Variants in LAMA5 observed in about 807,000 individuals in gnomAD.
The protein encoded by LAMA5 is laminin subunit alpha 5.
In LAMA5, 260 loss-of-function variants were observed where a neutral mutation model predicts 433.4. The observed-to-expected ratio is 0.60, with a 90% CI of 0.54 to 0.66. The LOEUF is 0.66. LAMA5 is among the 30% of genes least tolerant of loss of function. The probability of loss-of-function intolerance (pLI) is 0.00; values close to 1 mark genes in which losing one functional copy is unlikely to be tolerated. For missense variants in LAMA5, 5,378 were observed against 5,258.5 expected, an observed-to-expected ratio of 1.02 and a Z score of -0.70; for synonymous variants, 2,620 against 2,226.6, an observed-to-expected ratio of 1.18 and a Z score of -4.97.
In LAMA5 at chr20:62,329,911, C is replaced by A; in HGVS notation, c.3985G>T (p.Ala1329Ser). The A allele has an allele frequency of 6.2e-7, 1 of 1,611,058 alleles. No individual in the cohort carries two copies. Among genetic ancestry groups the A allele is most frequent in the Non-Finnish European group, 8.5e-7 (1 of 1,179,628 alleles). ...INAGRVWQGH[A>S]NASFCPHGYG... ...CCATGTGGACAGAAGCTGGCGTTGG[C>A]GTGGCCTGGGCGGGGGAGAAAGGCA... The change falls in exon 32 of 80, where the codon GCC becomes TCC. Residue 1329 changes from alanine to serine, a missense_variant. Transcript: ENST00000252999.
chr20:62,319,424 G>C (rs1384141466), intron 51 of LAMA5, among the ~76,000 whole-genome samples: 2 of 152,116 alleles, frequency 1.3e-5, no homozygotes, highest in Non-Finnish European at 2.9e-5. Flanking sequence ...CGGGATATCT[G>C]TGAGCGCGAA....
Position 62,351,772 on chromosome 20 carries a change from G to A in LAMA5, c.888C>T (p.Ile296=), listed in dbSNP as rs62204553. The A allele has an allele frequency of 0.041, 65,353 of 1,610,386 alleles. 2,094 individuals carry two copies. Among genetic ancestry groups the A allele is most frequent in the African/African-American group, 0.17 (12,664 of 74,988 alleles). Residue 296 remains isoleucine (I), a synonymous_variant, in exon 6 of 80, where the codon ATC becomes ATT. Coordinates refer to ENST00000252999, the MANE Select transcript of LAMA5 (RefSeq NM_005560.6). The part of the protein sequence containing the change: ...RYYYSIKDIS[I]GGRCVCHGHA... ...GGCCGTGGCAGACACAGCGGCCTCC[G>A]ATGCTGATATCCTTGATGCTGTAAT...
At chr20:62,360,696 G>A (rs944369992) in intron 2 of LAMA5, among the ~76,000 whole-genome samples, 8 of 151,586 alleles carry the variant, frequency 5.3e-5, no homozygotes, top group Middle Eastern at 3.2e-3. Flanking sequence ...CTTCCCAGGT[G>A]GAGTGGAAAG....
At chr20:62,364,179 A>G (rs544798235) in intron 1 of LAMA5, among the ~76,000 whole-genome samples, 46 of 152,308 alleles carry the variant, frequency 3.0e-4, no homozygotes, top group Admixed American at 5.2e-4. Flanking sequence ...CGCAGGCCGC[A>G]CTGCAAGCTT....
At chr20:62,309,950 G>T in intron 78 of LAMA5, 38 bp downstream of exon 78, 1 of 1,605,920 alleles carries the variant, frequency 6.2e-7, no homozygotes. Context: ...CAGAAGGGTG[G>T]GGGTGGCAGA....
In LAMA5 at chr20:62,352,370, A is replaced by G; in HGVS notation, c.569-10T>C. On this transcript the variant is annotated splice_polypyrimidine_tract_variant and intron_variant, in intron 3 of 79. Coordinates refer to ENST00000252999, the MANE Select transcript of LAMA5 (RefSeq NM_005560.6). ...CAGTCCCTCTTGGAGGCTGCGGGGA[A>G]TGGCGGGAGGGGAGGGCGCTGGATC... 6.3e-7 allele frequency: 1 copy of G among 1,592,166 alleles called. No homozygotes were observed. The highest frequency in any genetic ancestry group is 8.5e-7 in the Non-Finnish European group (1 of 1,174,592).
chr20:62,314,807 C>A lies in LAMA5; in HGVS notation c.8188G>T (p.Ala2730Ser). 2 of 1,612,894 alleles carry A rather than the reference C, an allele frequency of 1.2e-6. No individual in the cohort carries two copies. Among genetic ancestry groups the A allele is most frequent in the Admixed American group, 1.7e-5 (1 of 60,004 alleles). The change falls in exon 60 of 80, where the codon GCC becomes TCC. Residue 2730 changes from alanine (A) to serine (S), a missense_variant. Coordinates refer to ENST00000252999, the MANE Select transcript of LAMA5 (RefSeq NM_005560.6). ...CTGGGACTCTCACCCACCTTACTGG[C>A]AGCCCCCCGGGCCTGGGCAATGAGC... ...RELIAQARGA[A>S]SKVKVPMKFN...
intron 32 of LAMA5, 74 bp downstream of exon 32, chr20:62,329,703 C>T: frequency 6.4e-7 from 1 of 1,560,872 alleles, no homozygotes; most frequent in Non-Finnish European, 8.7e-7. Context: ...ACAGACCCAG[C>T]CCAAGTGTAC....
chr20:62,329,168 CTGA>C lies in LAMA5; in HGVS notation c.4202_4204del (p.Ile1401del). On this transcript the variant is annotated inframe_deletion, in exon 33 of 80. Transcript: ENST00000252999. ...GTGGTAGCCCTGGGCTGCGCAGTGG[CTGA>C]TGAAGTCATAGGATTTATCCAGGGG... 5.0e-6 allele frequency: 8 copies of C among 1,612,930 alleles called. No individual in the cohort carries two copies. Among genetic ancestry groups the C allele is most frequent in the Non-Finnish European group, 6.8e-6 (8 of 1,179,940 alleles).
chr20:62,341,884 A>C (rs920820462), intron 11 of LAMA5, among the ~76,000 whole-genome samples: 6 of 152,176 alleles, frequency 3.9e-5, no homozygotes, highest in African/African-American at 1.4e-4. Flanking sequence ...ATAGACGAGA[A>C]TAGAAATGAA....
At position 62,318,584 on chromosome 20, in the gene LAMA5, G is replaced by A. The variant is rs763036791; in HGVS notation, c.7109C>T (p.Thr2370Ile). ...WEENQALATQTRDRLAQHEAG... is the reference protein window; with the variant it reads ...WEENQALATQIRDRLAQHEAG... ...CTCGTGCTGGGCCAGCCGGTCGCGG[G>A]TTTGTGTGGCCAGTGCCTGGTTCTC... The change falls in exon 53 of 80, where the codon ACC (threonine) becomes ATC (isoleucine). Residue 2370 changes from threonine to isoleucine, a missense_variant. Thr to Ile is a moderately conservative substitution (Grantham distance 89). Transcript: ENST00000252999. The A allele has an allele frequency of 5.0e-6, 8 of 1,610,692 alleles. No individual in the cohort carries two copies. The highest frequency in any genetic ancestry group is 3.3e-5 in the Admixed American group (2 of 59,892).
At chr20:62,311,371 G>A in intron 72 of LAMA5, 30 bp downstream of exon 72, 1 of 1,529,820 alleles carries the variant, frequency 6.5e-7, no homozygotes, top group Non-Finnish European at 8.8e-7. Context: ...AGCCACCCCA[G>A]CTCTGCCTGC....
At position 62,310,069 on chromosome 20, in the gene LAMA5, C is replaced by T. The variant is rs764045430; in HGVS notation, c.10747G>A (p.Ala3583Thr). The stretch of plus-strand genomic sequence containing the variant: ...GAGAACTCCCCTGCTCCGTCATCCG[C>T]CCGCAGCAGGACCTGGCGGGGTAGG... ...QVTEKQVLLR[A>T]DDGAGEFSTS... is the part of the protein sequence containing the mutation. Residue 3583 changes from alanine to threonine, a missense_variant, in exon 78 of 80, where the codon GCG becomes ACG. By Grantham distance (58) the Ala-to-Thr change is moderately conservative. Coordinates refer to ENST00000252999, the MANE Select transcript of LAMA5 (RefSeq NM_005560.6). 3.1e-6 allele frequency: 5 copies of T among 1,611,028 alleles called. No homozygotes were observed. Among genetic ancestry groups the T allele is most frequent in the Admixed American group, 1.7e-5 (1 of 59,974 alleles).
Position 62,327,312 on chromosome 20 carries a change from A to AG in LAMA5, c.5032dup (p.Leu1678ProfsTer6). On this transcript the variant is annotated frameshift_variant, in exon 38 of 80. Coordinates refer to ENST00000252999, the MANE Select transcript of LAMA5 (RefSeq NM_005560.6). LOFTEE classifies it high-confidence loss of function. ...GGGCACAGCCTCAGGCACGTGCCGC[A>AG]GGTCTGCACGGAGCATCTCCGTCCC... 1 of 1,595,886 alleles carries AG rather than the reference A, an allele frequency of 6.3e-7. No individual in the cohort carries two copies.
chr20:62,332,465 G>A lies in LAMA5; in HGVS notation c.3459C>T (p.Gly1153=). The change falls in exon 28 of 80, where the codon GGC becomes GGT. Residue 1153 remains glycine (G), a synonymous_variant. Coordinates refer to ENST00000252999, the MANE Select transcript of LAMA5 (RefSeq NM_005560.6). Reference sequence around the variant, plus strand: ...GGTGGTCCTGGGTATCCCGGGCAGTGCCCCGGCACAGGGTGCTGTGGGGGG... The same window carrying A: ...GGTGGTCCTGGGTATCCCGGGCAGTACCCCGGCACAGGGTGCTGTGGGGGG... ...HPCLYSTLCR[G]TARDTQDHLA... 3 of 1,612,468 alleles carry A rather than the reference G, an allele frequency of 1.9e-6. No individual in the cohort carries two copies. The highest frequency in any genetic ancestry group is 2.5e-6 in the Non-Finnish European group (3 of 1,179,814).
In LAMA5 at chr20:62,318,606, TCTC is replaced by T; in HGVS notation, c.7084_7086del (p.Glu2362del). ...CGGGTTTGTGTGGCCAGTGCCTGGT[TCTC>T]CTCCCAGAGGCTGCTCAGCTGCTCC... On this transcript the variant is annotated inframe_deletion, in exon 53 of 80. Coordinates refer to ENST00000252999, the MANE Select transcript of LAMA5 (RefSeq NM_005560.6). 1 of 1,610,738 alleles carries T rather than the reference TCTC, an allele frequency of 6.2e-7. No homozygotes were observed.
rs369605626 is a variant in LAMA5 at position 62,330,468 on chromosome 20, C to G, written c.3979+20G>C. The G allele has an allele frequency of 1.3e-4, 199 of 1,521,056 alleles. No homozygotes were observed. Among genetic ancestry groups the G allele is most frequent in the Non-Finnish European group, 1.3e-4 (152 of 1,131,436 alleles). 94.2% of individuals were successfully genotyped at this position (1,521,056 alleles called of 1,614,324 possible). A position where few individuals can be genotyped will look rare whatever the true frequency, so the allele number is the denominator to read the frequency against. On this transcript the variant is annotated intron_variant, in intron 31 of 79. Transcript: ENST00000252999. ...TCATCGTGTGTGGTAGCCTCTCCAC[C>G]CCCCACACCAGACACTCACCCTGCC... is the stretch of plus-strand genomic sequence containing the variant.
Position 62,366,807 on chromosome 20 carries a change from G to A in LAMA5, c.297+142C>T, listed in dbSNP as rs529587617. 3.5e-4 allele frequency: 396 copies of A among 1,140,374 alleles called. 2 individuals are homozygous for A. The South Asian group carries it at 0.016, about 45-fold the overall frequency. 70.6% of individuals were successfully genotyped at this position (1,140,374 alleles called of 1,614,324 possible). ...CGAGACGGAGCGGCCGGGTCGGGGT[G>A]CCTTCTTGGGCCCCCAAAATGCGGA... On this transcript the variant is annotated intron_variant, in intron 1 of 79. Transcript: ENST00000252999.
chr20:62,329,718 G>A, intron 32 of LAMA5, 59 bp downstream of exon 32: 1 of 1,592,414 alleles, frequency 6.3e-7, no homozygotes, highest in Non-Finnish European at 8.6e-7. Context: ...GTGTACCACA[G>A]TGGTAATGAC....
Sources: allele counts gnomAD v4.1 joint callset (sites outside exome capture counted in the v4.1 genomes callset), GRCh38; gene constraint gnomAD v4.1.1; transcripts MANE v1.5; gene names NCBI Gene and HGNC (gene_info 2026-07-23, HGNC 2026-07-21).